The following ARHGAP17 variants were observed in gnomAD, a reference collection of about 807,000 sequenced individuals.
ARHGAP17 encodes Rho GTPase activating protein 17.
Under a neutral mutation model 99.5 loss-of-function variants are expected in ARHGAP17, and 57 were observed. That is an observed-to-expected ratio of 0.57 (90% confidence interval 0.46 to 0.71). The LOEUF is 0.71. Ranked by LOEUF, ARHGAP17 falls within the 30% of genes least tolerant of loss-of-function variation. ARHGAP17 has a pLI of 0.00. For missense variants in ARHGAP17, 1,000 were observed against 1,122.4 expected (o/e 0.89, Z 1.56); for synonymous variants, 417 against 429.6 (o/e 0.97, Z 0.36).
Position 25,015,155 on chromosome 16 carries a change from T to C in ARHGAP17, c.53+54A>G, listed in dbSNP as rs2141569416. On this transcript the variant is annotated intron_variant, in intron 1 of 19. Transcript: ENST00000289968. ...GAGGAGCCGTCCCGCCCCCGCGCCC[T>C]CCGCCCTCCGCCCCCAGCCCCGGTG... 8 of 1,105,204 alleles carry C rather than the reference T, an allele frequency of 7.2e-6. No homozygotes were observed. In the African/African-American group the frequency reaches 9.0e-5, roughly 12 times the overall value. The allele number at this position is 1,105,204 out of a possible 1,614,324, so 68.5% of individuals were successfully genotyped here.
At position 24,953,169 on chromosome 16, in the gene ARHGAP17, T is replaced by C. The variant is rs1033758730; in HGVS notation, c.853-127A>G. The C allele has an allele frequency of 3.7e-6, 3 of 800,234 alleles. No individual in the cohort carries two copies. The Admixed American group carries it at 6.8e-5, about 18-fold the overall frequency. 49.6% of individuals were successfully genotyped at this position (800,234 alleles called of 1,614,324 possible). ...TGTCTATGAAAGCAGTGTTACTGCCTGCCCTGCAGGGCTGTCAGGAGGAAT... is the reference window on the plus strand; with the variant it reads ...TGTCTATGAAAGCAGTGTTACTGCCCGCCCTGCAGGGCTGTCAGGAGGAAT... On this transcript the variant is annotated intron_variant, in intron 10 of 19. Transcript: ENST00000289968.
At chr16:24,949,345 C>T in intron 13 of ARHGAP17, 59 bp downstream of exon 13, 2 of 1,373,212 alleles carry the variant, frequency 1.5e-6, no homozygotes, top group Non-Finnish European at 2.0e-6. Flanking sequence ...TAAATGACTT[C>T]TCTGCTGGGC....
At chr16:24,991,962 G>C (rs1237248372) in intron 1 of ARHGAP17, among the ~76,000 whole-genome samples, 1 of 152,164 alleles carries the variant, frequency 6.6e-6, no homozygotes, top group Admixed American at 6.5e-5. Context: ...AACACTTTGG[G>C]GGCACAGATA....
At chr16:24,956,932 T>G (rs1011573664) in intron 9 of ARHGAP17, 2 of 152,228 alleles carry the variant, frequency 1.3e-5, no homozygotes, top group African/African-American at 4.8e-5. Flanking sequence ...GGAGGGGGTC[T>G]CATGAGACGG....
intron 16 of ARHGAP17, among the ~76,000 whole-genome samples, chr16:24,940,193 G>T (rs1476258328): frequency 6.6e-6 from 1 of 152,050 alleles, no homozygotes; most frequent in Admixed American, 6.5e-5. Context: ...CAAAGTGCTG[G>T]GATTACAGGC....
At chr16:25,003,423 C>A (rs940838620) in intron 1 of ARHGAP17, among the ~76,000 whole-genome samples, 1 of 151,610 alleles carries the variant, frequency 6.6e-6, no homozygotes, top group Non-Finnish European at 1.5e-5. Flanking sequence ...TTAGTAGAAA[C>A]AGGATTTCGC....
At position 24,931,309 on chromosome 16, in the gene ARHGAP17, G is replaced by C; in HGVS notation, c.1990C>G (p.Pro664Ala). 1 of 1,527,272 alleles carries C rather than the reference G, an allele frequency of 6.5e-7. No homozygotes were observed. The highest frequency in any genetic ancestry group is 8.8e-7 in the Non-Finnish European group (1 of 1,138,220). The allele number at this position is 1,527,272 out of a possible 1,614,324, so 94.6% of individuals were successfully genotyped here. ...GTGGGTGGCTTTGGTGACAGACTGGGTGGATGCTGAGATGTTCCTGAAGAA... is the reference window on the plus strand; with the variant it reads ...GTGGGTGGCTTTGGTGACAGACTGGCTGGATGCTGAGATGTTCCTGAAGAA... ...QSSSGTSQHP[P>A]SLSPKPPTRS... Residue 664 changes from proline (P) to alanine (A), a missense_variant, in exon 19 of 20, where the codon CCC (proline) becomes GCC (alanine). Around this residue, in one of 2 missense-constraint regions of ARHGAP17, gnomAD observed 528 missense variants for 511.4 expected, o/e 1.03. Coordinates refer to ENST00000289968, the MANE Select transcript of ARHGAP17 (RefSeq NM_001006634.3).
At chr16:24,981,852 C>T (rs1007481650) in intron 1 of ARHGAP17, among the ~76,000 whole-genome samples, 1 of 152,050 alleles carries the variant, frequency 6.6e-6, no homozygotes, top group East Asian at 1.9e-4. Context: ...AGAAAACATA[C>T]CTCAGAGTAT....
chr16:25,002,646 G>A (rs2053394090), intron 1 of ARHGAP17, among the ~76,000 whole-genome samples: 1 of 152,210 alleles, frequency 6.6e-6, no homozygotes, highest in Non-Finnish European at 1.5e-5. Flanking sequence ...TGGTGCTCCA[G>A]GCCATGGATG....
chr16:25,003,038 CAA>C (rs1177218423), intron 1 of ARHGAP17, among the ~76,000 whole-genome samples: 4,463 of 52,662 alleles, frequency 0.085, 84 homozygotes, highest in African/African-American at 0.25. Context: ...GACTCCGTCT[CAA>C]AAAAAAAAAA....
chr16:24,985,353 G>A (rs932235682), intron 1 of ARHGAP17, among the ~76,000 whole-genome samples: 2 of 152,320 alleles, frequency 1.3e-5, no homozygotes, highest in East Asian at 3.9e-4. Flanking sequence ...CTTCCAACCA[G>A]GTCTCCCTGG....
Position 24,943,094 on chromosome 16 carries a change from C to T in ARHGAP17, c.1333+677G>A, listed in dbSNP as rs142898161. 4.0e-3 allele frequency among the ~76,000 whole-genome samples: 614 copies of T among 152,274 alleles called. 3 individuals carry two copies. The highest frequency in any genetic ancestry group is 0.014 in the African/African-American group (581 of 41,544). On this transcript the variant is annotated intron_variant, in intron 15 of 19. Transcript: ENST00000289968. Reference sequence around the variant, plus strand: ...AGTAGGTGTGGGGGATCCGGAATTCCAACACTTGCCTGGCCAGCATCCCCA... The same window carrying T: ...AGTAGGTGTGGGGGATCCGGAATTCTAACACTTGCCTGGCCAGCATCCCCA...
chr16:24,976,550 A>G (rs1051727504), intron 3 of ARHGAP17, among the ~76,000 whole-genome samples: 1 of 151,742 alleles, frequency 6.6e-6, no homozygotes, highest in Middle Eastern at 3.2e-3. Context: ...AAAGAAAGAG[A>G]AGAGAAGGGA....
At chr16:25,004,957 C>T (rs1482886225) in intron 1 of ARHGAP17, among the ~76,000 whole-genome samples, 1 of 152,232 alleles carries the variant, frequency 6.6e-6, no homozygotes, top group South Asian at 2.1e-4. Context: ...CTCTGTTGCC[C>T]AGGCTGGAGT....
At chr16:25,014,219 A>T (rs571725387) in intron 1 of ARHGAP17, among the ~76,000 whole-genome samples, 10 of 152,368 alleles carry the variant, frequency 6.6e-5, no homozygotes, top group African/African-American at 2.4e-4. Context: ...TGTTAAAAAC[A>T]GAAAATCAAA....
chr16:24,933,924 CAG>C (rs1464072247), intron 18 of ARHGAP17, among the ~76,000 whole-genome samples: 1 of 152,150 alleles, frequency 6.6e-6, no homozygotes, highest in Non-Finnish European at 1.5e-5. Context: ...AATCCAAAAC[CAG>C]AGTCACACCT....
At chr16:24,935,257 C>T (rs867490012) in intron 18 of ARHGAP17, among the ~76,000 whole-genome samples, 4 of 152,178 alleles carry the variant, frequency 2.6e-5, no homozygotes, top group South Asian at 2.1e-4. Context: ...AGCTTTGTCA[C>T]GCCTAAGGAA....
At chr16:24,969,824 A>G (rs2141315596) in intron 4 of ARHGAP17, among the ~76,000 whole-genome samples, 1 of 152,268 alleles carries the variant, frequency 6.6e-6, no homozygotes, top group East Asian at 1.9e-4. Context: ...GAATGGGAGG[A>G]AACTGTTCTA....
rs772988952 is a variant in ARHGAP17, at chr16:24,953,062, A to T, written c.853-20T>A. ...AAGGCCCTAAAGATAATGAAAAGCC[A>T]TCAGCATCAAGTGCAGGTTGGGACA... On this transcript the variant is annotated intron_variant, in intron 10 of 19. Transcript: ENST00000289968. 46 of 1,612,112 alleles carry T rather than the reference A, an allele frequency of 2.9e-5. 1 individual carries two copies. The South Asian group carries it at 4.8e-4, about 17-fold the overall frequency.
Sources: allele counts gnomAD v4.1 joint callset (sites outside exome capture counted in the v4.1 genomes callset), GRCh38; gene constraint gnomAD v4.1.1; regional missense constraint gnomAD v4.1.1; transcripts MANE v1.5; gene names NCBI Gene and HGNC (gene_info 2026-07-23, HGNC 2026-07-21).